The following SGK3 variants were observed in gnomAD, a reference collection of about 807,000 sequenced individuals.
The protein encoded by SGK3 is serine/threonine-protein kinase Sgk3.
A neutral mutation model predicts 68.5 loss-of-function variants in SGK3; 47 were observed. The ratio of observed to expected loss-of-function variants is 0.69; its 90% confidence interval spans 0.54 to 0.87. SGK3 has a LOEUF of 0.87. Ranked by LOEUF, SGK3 falls within the 40% of genes least tolerant of loss-of-function variation. The pLI is 0.00. For missense variants in SGK3, 479 were observed against 575.5 expected (o/e 0.83, Z 1.72); for synonymous variants, 181 against 189.1 (o/e 0.96, Z 0.35).
At chr8:66,817,211 T>C (rs984474187) in intron 5 of SGK3, among the ~76,000 whole-genome samples, 1 of 151,900 alleles carries the variant, frequency 6.6e-6, no homozygotes, top group Non-Finnish European at 1.5e-5. Flanking sequence ...GGCAGGCGGA[T>C]CATGAGGTCA....
intron 7 of SGK3, among the ~76,000 whole-genome samples, chr8:66,829,029 G>A (rs1393150937): frequency 1.3e-5 from 2 of 151,432 alleles, no homozygotes; most frequent in South Asian, 4.2e-4. Flanking sequence ...TTTCCCAAGG[G>A]ACCACAAGTC....
intron 7 of SGK3, among the ~76,000 whole-genome samples, chr8:66,830,311 T>C (rs1343683123): frequency 1.3e-5 from 2 of 152,222 alleles, no homozygotes; most frequent in African/African-American, 2.4e-5. Context: ...TCTGCATATC[T>C]TTAAAGAAGA....
intron 1 of SGK3, among the ~76,000 whole-genome samples, chr8:66,772,785 T>A (rs557603132): frequency 9.9e-5 from 15 of 152,122 alleles, no homozygotes; most frequent in East Asian, 1.9e-4. Context: ...CTAATTTTTT[T>A]AATTTTTTTG....
In SGK3 at chr8:66,841,025, G is replaced by A; in HGVS notation, c.893G>A (p.Gly298Glu). Residue 298 changes from glycine (G) to glutamate (E), a missense_variant and splice_region_variant, in exon 13 of 17, where the codon GGA (glycine) becomes GAA (glutamate). Around this residue, in one of 3 missense-constraint regions of SGK3, gnomAD observed 8 missense variants for 31.8 expected, o/e 0.25. Transcript: ENST00000521198. Reference protein sequence around the residue: ...KPENILLDSVGHVVLTDFGLC... With the variant: ...KPENILLDSVEHVVLTDFGLC... ...TCTTACTGCCCCTGTATTTGTCAGG[G>A]ACATGTTGTCTTAACAGATTTTGGG... 2 of 1,590,726 alleles carry A rather than the reference G, an allele frequency of 1.3e-6. No individual in the cohort carries two copies. Among genetic ancestry groups the A allele is most frequent in the Non-Finnish European group, 8.5e-7 (1 of 1,170,438 alleles).
intron 5 of SGK3, among the ~76,000 whole-genome samples, chr8:66,815,678 A>T (rs1217001180): frequency 6.6e-6 from 1 of 152,182 alleles, no homozygotes; most frequent in Admixed American, 6.5e-5. Flanking sequence ...GCATGGAATA[A>T]GTATGCAATA....
chr8:66,773,350 TGA>T (rs1806578531), intron 1 of SGK3, among the ~76,000 whole-genome samples: 1 of 152,278 alleles, frequency 6.6e-6, no homozygotes, highest in East Asian at 1.9e-4. Context: ...ACGTGAGGAC[TGA>T]GAGGGAAGAG....
At chr8:66,719,082 A>G (rs1307662389) in intron 1 of SGK3, among the ~76,000 whole-genome samples, 1 of 152,218 alleles carries the variant, frequency 6.6e-6, no homozygotes, top group South Asian at 2.1e-4. Flanking sequence ...ATCCCCCCCA[A>G]TAAAAAAGTA....
intron 1 of SGK3, among the ~76,000 whole-genome samples, chr8:66,760,196 C>T (rs1585678197): frequency 6.6e-6 from 1 of 151,128 alleles, no homozygotes; most frequent in African/African-American, 2.5e-5. Flanking sequence ...GGAGAGCAGA[C>T]GAGGTCATGG....
chr8:66,841,500 CTA>C (rs1466284113), intron 13 of SGK3, among the ~76,000 whole-genome samples: 4 of 152,078 alleles, frequency 2.6e-5, no homozygotes, highest in African/African-American at 9.7e-5. Context: ...CTTTCTGTGA[CTA>C]TGTTAACAAC....
intron 10 of SGK3, 36 bp from the exon 11 acceptor site, chr8:66,839,967 T>G (rs771809507): frequency 4.5e-6 from 7 of 1,557,988 alleles, no homozygotes; most frequent in East Asian, 2.2e-5. Context: ...GATCCTAACA[T>G]TCTCTCTCCC....
At chr8:66,855,503 G>A (rs555122498) in intron 16 of SGK3, among the ~76,000 whole-genome samples, 2 of 152,086 alleles carry the variant, frequency 1.3e-5, no homozygotes, top group East Asian at 3.9e-4. Flanking sequence ...GCACCCAACC[G>A]ACTACATAAG....
At chr8:66,748,474 T>C (rs2073558808) in intron 1 of SGK3, among the ~76,000 whole-genome samples, 2 of 152,164 alleles carry the variant, frequency 1.3e-5, no homozygotes, top group Admixed American at 6.6e-5. Context: ...CAAGCCTTGA[T>C]AGATTTTTCC....
chr8:66,830,874 A>T (rs761454606), intron 7 of SGK3, among the ~76,000 whole-genome samples: 8 of 152,220 alleles, frequency 5.3e-5, no homozygotes, highest in Non-Finnish European at 1.0e-4. Context: ...TTATTTATAT[A>T]GTTATTTAAT....
chr8:66,730,952 G>A (rs947453216), intron 1 of SGK3, among the ~76,000 whole-genome samples: 3 of 152,034 alleles, frequency 2.0e-5, no homozygotes, highest in African/African-American at 7.3e-5. Context: ...CTCCCAAAGT[G>A]CTGGGGTTAC....
intron 1 of SGK3, among the ~76,000 whole-genome samples, chr8:66,747,605 G>A (rs1488641460): frequency 2.6e-5 from 4 of 151,862 alleles, no homozygotes; most frequent in African/African-American, 4.8e-5. Flanking sequence ...CCACTCAGGC[G>A]AGAGTGCAGT....
At chr8:66,724,393 T>C (rs910383357) in intron 1 of SGK3, among the ~76,000 whole-genome samples, 1 of 152,168 alleles carries the variant, frequency 6.6e-6, no homozygotes, top group African/African-American at 2.4e-5. Context: ...CTGGCCAATA[T>C]GGTAAAACCT....
At chr8:66,813,816 A>G in intron 4 of SGK3, 37 bp from the exon 5 acceptor site, 1 of 1,518,154 alleles carries the variant, frequency 6.6e-7, no homozygotes, top group Non-Finnish European at 8.8e-7. Flanking sequence ...GCATAGTCTG[A>G]CATAAATAAT....
intron 8 of SGK3, among the ~76,000 whole-genome samples, chr8:66,833,396 A>G (rs985252517): frequency 1.3e-5 from 2 of 152,216 alleles, no homozygotes; most frequent in Non-Finnish European, 2.9e-5. Context: ...TCCTGACACC[A>G]GTACCACATT....
intron 1 of SGK3, among the ~76,000 whole-genome samples, chr8:66,785,555 C>A (rs1807163682): frequency 2.0e-5 from 3 of 152,130 alleles, no homozygotes; most frequent in Non-Finnish European, 4.4e-5. Flanking sequence ...ACGACCACCG[C>A]CCGCCACTCC....
Sources: allele counts gnomAD v4.1 joint callset (sites outside exome capture counted in the v4.1 genomes callset), GRCh38; gene constraint gnomAD v4.1.1; regional missense constraint gnomAD v4.1.1; transcripts MANE v1.5; gene names NCBI Gene and HGNC (gene_info 2026-07-23, HGNC 2026-07-21).